Variants in KCNB2 observed in about 807,000 individuals in gnomAD.
KCNB2 encodes the protein delayed rectifier potassium channel protein.
KCNB2 carries 15 observed loss-of-function variants against 61.5 expected under a neutral mutation model. The ratio of observed to expected loss-of-function variants is 0.24; its 90% CI spans 0.16 to 0.38. The LOEUF (loss-of-function observed/expected upper bound fraction) is 0.38, where lower values mean the gene tolerates loss of function less well. KCNB2 is among the 10% of genes least tolerant of loss of function. The pLI, the probability that KCNB2 is intolerant of heterozygous loss-of-function variation, is 1.00. For missense variants in KCNB2, 828 were observed against 1,125.2 expected (o/e 0.74, Z 3.78); for synonymous variants, 457 against 446.0 (o/e 1.02, Z -0.31).
intron 2 of KCNB2, among the ~76,000 whole-genome samples, chr8:72,932,696 G>A (rs1453258225): frequency 6.6e-6 from 1 of 152,174 alleles, no homozygotes; most frequent in East Asian, 1.9e-4. Context: ...CTCAGTCAGT[G>A]CTGAAACAAT....
intron 2 of KCNB2, among the ~76,000 whole-genome samples, chr8:72,758,383 C>T (rs1208716521): frequency 6.6e-6 from 1 of 152,128 alleles, no homozygotes. Flanking sequence ...GCAGGTGTGG[C>T]AAAGTCCAGG....
chr8:72,928,062 T>C (rs1806690330), intron 2 of KCNB2, among the ~76,000 whole-genome samples: 1 of 152,184 alleles, frequency 6.6e-6, no homozygotes, highest in Admixed American at 6.5e-5. Context: ...ATAAATACTC[T>C]GGTGTAAAAA....
At chr8:72,561,047 T>C (rs79283351) in intron 1 of KCNB2, among the ~76,000 whole-genome samples, 4,238 of 152,250 alleles carry the variant, frequency 0.028, 195 homozygotes, top group African/African-American at 0.094. Flanking sequence ...ACTTGTCTTG[T>C]CCCCTTCTTA....
At chr8:72,774,314 C>G (rs1456057110) in intron 2 of KCNB2, among the ~76,000 whole-genome samples, 3 of 152,052 alleles carry the variant, frequency 2.0e-5, no homozygotes, top group Non-Finnish European at 2.9e-5. Context: ...TACTTCCCAC[C>G]CTTTTAAAAA....
chr8:72,743,999 C>A (rs547083620), intron 2 of KCNB2, among the ~76,000 whole-genome samples: 10 of 152,086 alleles, frequency 6.6e-5, no homozygotes, highest in Admixed American at 3.9e-4. Flanking sequence ...ATTTTGTATT[C>A]TTCTTTTTAT....
chr8:72,623,923 C>G (rs1805750062), intron 2 of KCNB2, among the ~76,000 whole-genome samples: 2 of 152,134 alleles, frequency 1.3e-5, no homozygotes, highest in Non-Finnish European at 2.9e-5. Flanking sequence ...TTTCTTAGTT[C>G]CCTCATGATC....
intron 2 of KCNB2, among the ~76,000 whole-genome samples, chr8:72,742,533 G>A (rs377062613): frequency 2.6e-5 from 4 of 152,128 alleles, no homozygotes; most frequent in East Asian, 1.9e-4. Flanking sequence ...GGCAGAATAC[G>A]CTGGCCTGCT....
intron 2 of KCNB2, among the ~76,000 whole-genome samples, chr8:72,680,429 A>G (rs1454300820): frequency 2.6e-5 from 4 of 152,160 alleles, no homozygotes; most frequent in African/African-American, 7.2e-5. Context: ...AAAAGCAACA[A>G]TGCAGCCAAG....
At chr8:72,653,052 A>C (rs1206559702) in intron 2 of KCNB2, among the ~76,000 whole-genome samples, 1 of 152,020 alleles carries the variant, frequency 6.6e-6, no homozygotes, top group East Asian at 1.9e-4. Context: ...CTGTCTTCAC[A>C]TGGCCTGTCC....
chr8:72,728,303 G>A (rs891010971), intron 2 of KCNB2, among the ~76,000 whole-genome samples: 1 of 152,106 alleles, frequency 6.6e-6, no homozygotes, highest in Admixed American at 6.6e-5. Flanking sequence ...ATTTAGCCTG[G>A]TTAGGTATGG....
intron 2 of KCNB2, among the ~76,000 whole-genome samples, chr8:72,656,632 T>A (rs994456425): frequency 6.6e-6 from 1 of 152,192 alleles, no homozygotes; most frequent in Admixed American, 6.6e-5. Context: ...ATAATGAGAA[T>A]CTTAGGTTTT....
At chr8:72,797,744 A>C (rs995631634) in intron 2 of KCNB2, among the ~76,000 whole-genome samples, 1 of 152,130 alleles carries the variant, frequency 6.6e-6, no homozygotes, top group Admixed American at 6.6e-5. Context: ...CTAGATTATG[A>C]TTATGCCCAC....
chr8:72,909,790 A>T (rs570367218), intron 2 of KCNB2, among the ~76,000 whole-genome samples: 11 of 152,130 alleles, frequency 7.2e-5, no homozygotes, highest in Non-Finnish European at 1.3e-4. Flanking sequence ...AGAAGAGATG[A>T]GGAATCAAGG....
intron 2 of KCNB2, among the ~76,000 whole-genome samples, chr8:72,747,143 C>G (rs577103710): frequency 2.0e-5 from 3 of 152,156 alleles, no homozygotes; most frequent in Admixed American, 2.0e-4. Flanking sequence ...AAGGGAAGCC[C>G]CAGGGGCTGT....
intron 2 of KCNB2, among the ~76,000 whole-genome samples, chr8:72,585,332 C>T (rs1202378411): frequency 6.6e-6 from 1 of 152,188 alleles, no homozygotes; most frequent in Non-Finnish European, 1.5e-5. Flanking sequence ...TTTTAAGAAA[C>T]TCCCATGCAT....
At chr8:72,854,391 A>G (rs1397279154) in intron 2 of KCNB2, among the ~76,000 whole-genome samples, 1 of 152,170 alleles carries the variant, frequency 6.6e-6, no homozygotes, top group Non-Finnish European at 1.5e-5. Flanking sequence ...TATCCTAGGG[A>G]CTGTCATGTT....
chr8:72,872,064 G>A (rs184500843), intron 2 of KCNB2, among the ~76,000 whole-genome samples: 2 of 152,276 alleles, frequency 1.3e-5, no homozygotes. Flanking sequence ...GCCCTTCCAT[G>A]TCCAAGAACA....
intron 2 of KCNB2, among the ~76,000 whole-genome samples, chr8:72,678,103 A>C (rs1413241812): frequency 6.6e-6 from 1 of 152,180 alleles, no homozygotes; most frequent in Non-Finnish European, 1.5e-5. Flanking sequence ...ATTTTTGGAC[A>C]CATCCTTAGC....
At chr8:72,645,482 T>C (rs1806115504) in intron 2 of KCNB2, among the ~76,000 whole-genome samples, 1 of 152,142 alleles carries the variant, frequency 6.6e-6, no homozygotes. Context: ...AAAGCTGCTG[T>C]CTTCCTGTAC....
Sources: allele counts gnomAD v4.1 joint callset (sites outside exome capture counted in the v4.1 genomes callset), GRCh38; gene constraint gnomAD v4.1.1; transcripts MANE v1.5; gene names NCBI Gene and HGNC (gene_info 2026-07-23, HGNC 2026-07-21).